Variants in SNX30 observed in about 807,000 individuals in gnomAD.
SNX30 encodes sorting nexin family member 30.
Under a neutral mutation model 46.4 loss-of-function variants are expected in SNX30, and 24 were observed. The ratio of observed to expected loss-of-function variants is 0.52; its 90% CI spans 0.37 to 0.73. The LOEUF (loss-of-function observed/expected upper bound fraction) is 0.73, where lower values mean the gene tolerates loss of function less well. Among genes scored for constraint, SNX30 ranks in the 30% least tolerant of loss-of-function variants. The pLI is 0.00. For synonymous variants in SNX30, 189 were observed against 211.5 expected (o/e 0.89, Z 0.92); for missense variants, 533 against 555.7 (o/e 0.96, Z 0.41).
chr9:112,788,953 G>A (rs890356992), intron 1 of SNX30, among the ~76,000 whole-genome samples: 5 of 151,990 alleles, frequency 3.3e-5, no homozygotes, highest in African/African-American at 1.2e-4. Context: ...GCGCCACCAC[G>A]CCCAGCTAAT....
In SNX30 at chr9:112,865,661, A is replaced by ATATATATATATG; in HGVS notation, c.1254+1263_1254+1264insATATATATATGT. On this transcript the variant is annotated intron_variant, in intron 8 of 8. Transcript: ENST00000374232. ...TATATATATATATATATATATATATATGTATGTATGTATGCACACACACAC... is the reference window on the plus strand; with the variant it reads ...TATATATATATATATATATATATATATATATATATATGTGTATGTATGTATGCACACACACAC... Among the ~76,000 whole-genome samples the ATATATATATATG allele has an allele frequency of 7.2e-4, 76 of 105,660 alleles. 4 individuals are homozygous for ATATATATATATG. The highest frequency in any genetic ancestry group is 1.1e-3 in the Non-Finnish European group (56 of 52,662). The allele number at this position is 105,660 out of a possible 152,430, so 69.3% of individuals were successfully genotyped here.
At chr9:112,848,441 G>T (rs1391178492) in intron 6 of SNX30, among the ~76,000 whole-genome samples, 1 of 152,148 alleles carries the variant, frequency 6.6e-6, no homozygotes, top group African/African-American at 2.4e-5. Flanking sequence ...CCAACCTTCA[G>T]CGTGGTTGGA....
intron 2 of SNX30, among the ~76,000 whole-genome samples, chr9:112,805,718 C>T (rs1213230202): frequency 1.3e-5 from 2 of 152,184 alleles, no homozygotes; most frequent in Non-Finnish European, 2.9e-5. Context: ...ATCCACCTGC[C>T]TCGGCCTCCC....
At chr9:112,797,711 C>CTTTTTTTTTTTTTTTTTTTTTTTTTT (rs71384277) in intron 1 of SNX30, among the ~76,000 whole-genome samples, 1 of 121,358 alleles carries the variant, frequency 8.2e-6, no homozygotes, top group Non-Finnish European at 1.6e-5. Flanking sequence ...TTTTCTTTTT[C>CTTTTTTTTTTTTTTTTTTTTTTTTTT]TTTTTTTTTT....
intron 2 of SNX30, among the ~76,000 whole-genome samples, chr9:112,814,896 G>A (rs1840374261): frequency 6.6e-6 from 1 of 152,170 alleles, no homozygotes. Flanking sequence ...CAACTTAAAT[G>A]GGGATTTGGT....
At chr9:112,806,919 G>A (rs978136341) in intron 2 of SNX30, among the ~76,000 whole-genome samples, 3 of 151,774 alleles carry the variant, frequency 2.0e-5, no homozygotes, top group Non-Finnish European at 4.4e-5. Context: ...ACCTTTCCAT[G>A]TTCATATGAC....
chr9:112,788,297 C>G (rs1356503073), intron 1 of SNX30, among the ~76,000 whole-genome samples: 1 of 152,028 alleles, frequency 6.6e-6, no homozygotes, highest in East Asian at 1.9e-4. Context: ...GTTCTGAAAA[C>G]TCAAAATGCC....
At chr9:112,771,593 G>T (rs937934866) in intron 1 of SNX30, among the ~76,000 whole-genome samples, 4 of 152,082 alleles carry the variant, frequency 2.6e-5, no homozygotes, top group African/African-American at 7.2e-5. Context: ...AGTCTCCCCG[G>T]GTGGCTATTT....
At chr9:112,883,232 GAGA>G (rs370944448), downstream of SNX30, among the ~76,000 whole-genome samples, 552 of 152,230 alleles carry the variant, frequency 3.6e-3, 7 homozygotes, top group African/African-American at 0.013. Context: ...TGACTATGAA[GAGA>G]AGGAGAGACG....
At chr9:112,751,226 G>A in intron 1 of SNX30, 69 bp downstream of exon 1, 1 of 1,313,194 alleles carries the variant, frequency 7.6e-7, no homozygotes, top group Non-Finnish European at 9.8e-7. Context: ...TGGATCCGGA[G>A]CCTTCGTGGG....
At chr9:112,881,732 C>T (rs1841580069), downstream of SNX30, 1 of 152,208 alleles carries the variant, frequency 6.6e-6, no homozygotes, top group African/African-American at 2.4e-5. Flanking sequence ...AGCCAAATAG[C>T]CATGGTCTCT....
intron 4 of SNX30, among the ~76,000 whole-genome samples, chr9:112,834,882 A>ACACACACACCCCCC (rs56385707): frequency 2.9e-5 from 3 of 105,250 alleles, no homozygotes; most frequent in Admixed American, 2.1e-4. Context: ...ACACACACAC[A>ACACACACACCCCCC]CCTACCTCAA....
chr9:112,781,538 G>A (rs951978061), intron 1 of SNX30, among the ~76,000 whole-genome samples: 1 of 152,140 alleles, frequency 6.6e-6, no homozygotes, highest in Non-Finnish European at 1.5e-5. Context: ...TCAGAAATTG[G>A]CAGACTAAGG....
Position 112,831,703 on chromosome 9 carries a change from C to T in SNX30, c.618+820C>T, listed in dbSNP as rs529149050. 2.0e-5 allele frequency among the ~76,000 whole-genome samples: 3 copies of T among 152,244 alleles called. No homozygotes were observed. In the South Asian group the frequency reaches 6.2e-4, roughly 32 times the overall value. ...CATGTTCCTGTCAGGTGGACATTTG[C>T]CAGATAAAACATTTGGGTCCTACAC... On this transcript the variant is annotated intron_variant, in intron 4 of 8. Coordinates refer to ENST00000374232, the MANE Select transcript of SNX30 (RefSeq NM_001012994.2).
At chr9:112,843,861 C>T (rs1840897283) in intron 6 of SNX30, among the ~76,000 whole-genome samples, 1 of 152,140 alleles carries the variant, frequency 6.6e-6, no homozygotes, top group East Asian at 1.9e-4. Context: ...GATCCACCCA[C>T]GTTGGCCTCC....
At chr9:112,862,078 A>G (rs1390251598) in intron 7 of SNX30, among the ~76,000 whole-genome samples, 1 of 152,216 alleles carries the variant, frequency 6.6e-6, no homozygotes, top group Non-Finnish European at 1.5e-5. Flanking sequence ...TGTGAAACTG[A>G]GAAGCCAAAT....
intron 7 of SNX30, among the ~76,000 whole-genome samples, chr9:112,862,700 G>A (rs934013979): frequency 3.9e-5 from 6 of 151,916 alleles, no homozygotes; most frequent in East Asian, 3.9e-4. Flanking sequence ...CCAGGAGTTC[G>A]AGACCAGCCT....
intron 1 of SNX30, among the ~76,000 whole-genome samples, chr9:112,751,977 G>A (rs1382123513): frequency 6.6e-6 from 1 of 152,144 alleles, no homozygotes; most frequent in African/African-American, 2.4e-5. Context: ...GACTTGAGCA[G>A]TGATTGTATC....
intron 8 of SNX30, among the ~76,000 whole-genome samples, chr9:112,867,499 A>T (rs147675515): frequency 1.5e-4 from 20 of 132,580 alleles, no homozygotes; most frequent in African/African-American, 5.6e-4. Flanking sequence ...CCCTCCTCAG[A>T]ACTCCTCCTC....
Sources: gnomAD v4.1 joint callset for allele counts (sites outside exome capture counted in the v4.1 genomes callset) on GRCh38, gnomAD v4.1.1 for gene constraint, MANE v1.5 for transcripts, NCBI Gene and HGNC (gene_info 2026-07-23, HGNC 2026-07-21) for gene names.